Variants in OLFM2 observed in about 807,000 individuals in gnomAD.
The protein encoded by OLFM2 is olfactomedin 2, also known as noelin-2.
Under a neutral mutation model 43.9 loss-of-function variants are expected in OLFM2, and 20 were observed. The ratio of observed to expected loss-of-function variants is 0.46; its 90% confidence interval spans 0.32 to 0.66. The LOEUF (loss-of-function observed/expected upper bound fraction) is 0.66, where lower values mean the gene tolerates loss of function less well. OLFM2 is among the 30% of genes least tolerant of loss of function. The pLI is 0.04. For missense variants in OLFM2, 416 were observed against 643.6 expected, an observed-to-expected ratio of 0.65 and a Z score of 3.83; for synonymous variants, 268 against 278.6, an observed-to-expected ratio of 0.96 and a Z score of 0.38.
chr19:9,915,239 CTT>C (rs34756498), intron 1 of OLFM2, among the ~76,000 whole-genome samples: 58,018 of 139,292 alleles, frequency 0.42, 12,110 homozygotes, highest in Admixed American at 0.54. Flanking sequence ...TTTTCTCTCT[CTT>C]TTTTTTTTTT....
chr19:9,934,456 A>T (rs894476518), intron 1 of OLFM2, among the ~76,000 whole-genome samples: 1 of 151,740 alleles, frequency 6.6e-6, no homozygotes, highest in Non-Finnish European at 1.5e-5. Flanking sequence ...CTGGCAGCAA[A>T]CTCTGGCATC....
At chr19:9,880,988 C>T (rs2046535341) in intron 1 of OLFM2, among the ~76,000 whole-genome samples, 2 of 152,128 alleles carry the variant, frequency 1.3e-5, no homozygotes, top group Admixed American at 1.3e-4. Context: ...GCCTCTGCCT[C>T]CCAGGTTCAA....
chr19:9,930,493 C>T (rs2086475984), intron 1 of OLFM2, among the ~76,000 whole-genome samples: 1 of 151,998 alleles, frequency 6.6e-6, no homozygotes, highest in African/African-American at 2.4e-5. Context: ...GAGTTGGAGG[C>T]TTCAGTGAGC....
At chr19:9,881,785 A>G (rs1435177569) in intron 1 of OLFM2, among the ~76,000 whole-genome samples, 1 of 151,842 alleles carries the variant, frequency 6.6e-6, no homozygotes, top group Non-Finnish European at 1.5e-5. Flanking sequence ...GGTGTGAGCT[A>G]CTGCACCCGG....
At chr19:9,919,969 AT>A (rs572250241) in intron 1 of OLFM2, among the ~76,000 whole-genome samples, 11,729 of 130,582 alleles carry the variant, frequency 0.09, 1,097 homozygotes, top group African/African-American at 0.25. Context: ...TAATTTTTGT[AT>A]TTTTTTTTTT....
At chr19:9,922,273 T>TACAC (rs35308457) in intron 1 of OLFM2, among the ~76,000 whole-genome samples, 2 of 150,126 alleles carry the variant, frequency 1.3e-5, no homozygotes, top group South Asian at 4.2e-4. Flanking sequence ...AAAATCTAGA[T>TACAC]ACACACACAC....
chr19:9,922,471 AG>A (rs2086427345), intron 1 of OLFM2, among the ~76,000 whole-genome samples: 1 of 152,216 alleles, frequency 6.6e-6, no homozygotes, highest in Non-Finnish European at 1.5e-5. Flanking sequence ...CAATGTTCCC[AG>A]CACTTTAGGA....
At chr19:9,879,515 C>T (rs2046521870) in intron 1 of OLFM2, among the ~76,000 whole-genome samples, 1 of 152,136 alleles carries the variant, frequency 6.6e-6, no homozygotes. Context: ...CCGCCTGCTT[C>T]CCTTTCACCC....
intron 1 of OLFM2, among the ~76,000 whole-genome samples, chr19:9,906,912 T>C (rs2046789961): frequency 6.6e-6 from 1 of 152,158 alleles, no homozygotes; most frequent in African/African-American, 2.4e-5. Context: ...TTGTTCAAAA[T>C]GAGCTTCTGC....
At chr19:9,904,152 T>TTGTGTGTGTGTGTG (rs56281493) in intron 1 of OLFM2, among the ~76,000 whole-genome samples, 28 of 127,162 alleles carry the variant, frequency 2.2e-4, no homozygotes, top group Non-Finnish European at 1.6e-4. Flanking sequence ...TGAGTATTGT[T>TTGTGTGTGTGTGTG]TGTGTGTGTG....
intron 1 of OLFM2, among the ~76,000 whole-genome samples, chr19:9,893,449 G>C (rs760688431): frequency 6.6e-6 from 1 of 152,180 alleles, no homozygotes; most frequent in Non-Finnish European, 1.5e-5. Context: ...ACAGGCGTGA[G>C]CCACCGCACC....
intron 1 of OLFM2, chr19:9,913,434 C>T (rs2046845542): frequency 4.0e-6 from 4 of 1,011,532 alleles, no homozygotes; most frequent in African/African-American, 1.7e-5. Flanking sequence ...GCGGCTGTGG[C>T]GCGGGTACCA....
chr19:9,874,896 G>C (rs1222918580), intron 1 of OLFM2, among the ~76,000 whole-genome samples: 2 of 152,206 alleles, frequency 1.3e-5, no homozygotes, highest in African/African-American at 4.8e-5. Flanking sequence ...TTACAGGCAT[G>C]AGACACTGCA....
chr19:9,904,762 G>A (rs764434864), intron 1 of OLFM2, among the ~76,000 whole-genome samples: 15 of 152,138 alleles, frequency 9.9e-5, no homozygotes, highest in Middle Eastern at 3.4e-3. Flanking sequence ...GCTCATGCCT[G>A]TAATCCCAAC....
At chr19:9,918,893 C>CG (rs2086402125) in intron 1 of OLFM2, among the ~76,000 whole-genome samples, 1 of 152,018 alleles carries the variant, frequency 6.6e-6, no homozygotes, top group Non-Finnish European at 1.5e-5. Flanking sequence ...CAAATGGGCA[C>CG]GGGGGCTGTT....
At chr19:9,867,774 G>C (rs911237383) in intron 1 of OLFM2, among the ~76,000 whole-genome samples, 5 of 152,168 alleles carry the variant, frequency 3.3e-5, no homozygotes, top group African/African-American at 1.2e-4. Context: ...CCAATCCAAA[G>C]CTAAGAATTC....
chr19:9,928,450 A>C (rs1191655771), intron 1 of OLFM2, among the ~76,000 whole-genome samples: 1 of 152,070 alleles, frequency 6.6e-6, no homozygotes, highest in Non-Finnish European at 1.5e-5. Context: ...TGTTGGAACT[A>C]TGTGTAAAGT....
chr19:9,906,035 C>G (rs117417477), intron 1 of OLFM2, among the ~76,000 whole-genome samples: 1,744 of 152,260 alleles, frequency 0.011, 39 homozygotes, highest in South Asian at 0.067. Flanking sequence ...ATGGGGCGTG[C>G]TTGCCATGAA....
At chr19:9,887,718 C>G (rs976757691) in intron 1 of OLFM2, among the ~76,000 whole-genome samples, 1 of 152,098 alleles carries the variant, frequency 6.6e-6, no homozygotes, top group Middle Eastern at 3.2e-3. Context: ...GTGCTGAGAA[C>G]CCTCCATGGC....
Sources: allele counts gnomAD v4.1 joint callset (sites outside exome capture counted in the v4.1 genomes callset), GRCh38; gene constraint gnomAD v4.1.1; transcripts MANE v1.5; gene names NCBI Gene and HGNC (gene_info 2026-07-23, HGNC 2026-07-21).